SLC66A3: variants seen among roughly 807,000 people sequenced by gnomAD.
SLC66A3 encodes solute carrier family 66 member 3, also known as PQ loop repeat containing 3.
A neutral mutation model predicts 25.5 loss-of-function variants in SLC66A3; 23 were observed. The observed-to-expected ratio is 0.90, with a 90% confidence interval of 0.65 to 1.28. SLC66A3 has a LOEUF of 1.28. Among genes scored for constraint, SLC66A3 ranks in the 50% most tolerant of loss-of-function variants. SLC66A3 has a pLI of 0.00. For synonymous variants in SLC66A3, 108 were observed against 112.6 expected, an observed-to-expected ratio of 0.96 and a Z score of 0.26; for missense variants, 246 against 262.1, an observed-to-expected ratio of 0.94 and a Z score of 0.42.
intron 6 of SLC66A3, 31 bp from the exon 7 acceptor site, chr2:11,177,706 A>AGTT: frequency 7.0e-7 from 1 of 1,436,150 alleles, no homozygotes. Flanking sequence ...TTGTAAAGAC[A>AGTT]GTTTTTAATA....
intron 4 of SLC66A3, among the ~76,000 whole-genome samples, chr2:11,165,184 C>T (rs1553289312): frequency 6.6e-6 from 1 of 151,368 alleles, no homozygotes; most frequent in African/African-American, 2.4e-5. Flanking sequence ...CCCTCCTGGA[C>T]AGGGCGGCTG....
chr2:11,163,215 A>G (rs1485834451), intron 3 of SLC66A3, among the ~76,000 whole-genome samples: 2 of 152,186 alleles, frequency 1.3e-5, no homozygotes, highest in African/African-American at 4.8e-5. Flanking sequence ...AAATCTGGCA[A>G]CCCTACAAAT....
At chr2:11,166,093 C>T (rs1662333484) in intron 4 of SLC66A3, among the ~76,000 whole-genome samples, 1 of 152,112 alleles carries the variant, frequency 6.6e-6, no homozygotes, top group Non-Finnish European at 1.5e-5. Context: ...AGGCTGGTCT[C>T]GAACTCCTGA....
chr2:11,177,456 CAAAAAAA>C (rs371498449), intron 6 of SLC66A3, among the ~76,000 whole-genome samples: 1 of 107,102 alleles, frequency 9.3e-6, no homozygotes, highest in African/African-American at 3.5e-5. Context: ...AAGACTGTCT[CAAAAAAA>C]AAAAAAAAAA....
intron 1 of SLC66A3, 94 bp from the exon 2 acceptor site, chr2:11,160,372 A>T: frequency 9.5e-7 from 1 of 1,052,208 alleles, no homozygotes; most frequent in South Asian, 1.3e-5. Context: ...CACTGCAAGG[A>T]TTCGGCAAAC....
chr2:11,170,585 C>G (rs1662514859), intron 4 of SLC66A3, among the ~76,000 whole-genome samples: 1 of 144,504 alleles, frequency 6.9e-6, no homozygotes, highest in South Asian at 2.4e-4. Flanking sequence ...AACACAGTAT[C>G]TCAGTACTTT....
chr2:11,171,139 G>A (rs891201586), intron 4 of SLC66A3, among the ~76,000 whole-genome samples: 4 of 152,018 alleles, frequency 2.6e-5, no homozygotes, highest in South Asian at 2.1e-4. Context: ...CCAATGTGGC[G>A]AAACCCTGTC....
intron 1 of SLC66A3, among the ~76,000 whole-genome samples, chr2:11,155,994 G>C (rs1383957464): frequency 6.6e-6 from 1 of 152,246 alleles, no homozygotes; most frequent in Admixed American, 6.5e-5. Flanking sequence ...GACAAAACCT[G>C]CTGGCCCTGA....
At position 11,155,570 on chromosome 2, in the gene SLC66A3, G is replaced by A; in HGVS notation, c.24G>A (p.Leu8=). 1 of 1,512,716 alleles carries A rather than the reference G, an allele frequency of 6.6e-7. No individual in the cohort carries two copies. The highest frequency in any genetic ancestry group is 8.8e-7 in the Non-Finnish European group (1 of 1,139,916). 93.7% of individuals were successfully genotyped at this position (1,512,716 alleles called of 1,614,324 possible). Residue 8 remains leucine (L), a synonymous_variant, in exon 1 of 7, where the codon CTG becomes CTA. Transcript: ENST00000295083. MEAALLG[L]CNWSTLGVCA... The stretch of plus-strand genomic sequence containing the variant: ...CTATGGAGGCGGCGCTGCTGGGGCT[G>A]TGTAACTGGAGCACGCTGGGCGTGT...
In SLC66A3 at chr2:11,155,556, G is replaced by A. The variant is rs1421755453; in HGVS notation, c.10G>A (p.Ala4Thr). The change falls in exon 1 of 7, where the codon GCG becomes ACG. Residue 4 changes from alanine to threonine, a missense_variant. Ala to Thr is a moderately conservative substitution (Grantham distance 58, BLOSUM62 0). Around this residue, in one of 3 missense-constraint regions of SLC66A3, gnomAD observed 142 missense variants for 130.3 expected, o/e 1.09. Coordinates refer to ENST00000295083, the MANE Select transcript of SLC66A3 (RefSeq NM_152391.5). MEA[A>T]LLGLCNWSTL... The stretch of plus-strand genomic sequence containing the variant: ...CCGCGCCCGTGGCGCTATGGAGGCG[G>A]CGCTGCTGGGGCTGTGTAACTGGAG... The A allele has an allele frequency of 2.7e-6, 4 of 1,502,684 alleles. No homozygotes were observed. Among genetic ancestry groups the A allele is most frequent in the East Asian group, 5.6e-5 (2 of 35,686 alleles). 93.1% of individuals were successfully genotyped at this position (1,502,684 alleles called of 1,614,324 possible).
Position 11,155,607 on chromosome 2 carries a change from A to T in SLC66A3, c.61A>T (p.Lys21Ter). Residue 21 changes from lysine to a stop codon, truncating the protein, a stop_gained, in exon 1 of 7, where the codon AAG becomes TAG. Coordinates refer to ENST00000295083, the MANE Select transcript of SLC66A3 (RefSeq NM_152391.5). LOFTEE classifies it high-confidence loss of function. ...WSTLGVCAAL[K>*]LPQISAVLAA... ...CACGCTGGGCGTGTGCGCCGCGCTG[A>T]AGCTGCCGCAGATCTCCGCTGTGCT... 6.6e-7 allele frequency: 1 copy of T among 1,525,234 alleles called. No homozygotes were observed. Among genetic ancestry groups the T allele is most frequent in the Non-Finnish European group, 8.7e-7 (1 of 1,146,888 alleles). The allele number at this position is 1,525,234 out of a possible 1,614,324, so 94.5% of individuals were successfully genotyped here. A position where few individuals can be genotyped will look rare whatever the true frequency, so the allele number is the denominator to read the frequency against.
intron 1 of SLC66A3, among the ~76,000 whole-genome samples, chr2:11,156,169 C>G (rs1043504552): frequency 1.3e-5 from 2 of 152,146 alleles, no homozygotes; most frequent in African/African-American, 4.8e-5. Context: ...GGGAATCTTT[C>G]CTGGTTATTT....
rs140406533 is a variant in SLC66A3 at position 11,175,554 on chromosome 2, A to T, written c.517+545A>T. The stretch of plus-strand genomic sequence containing the variant: ...GTGACAAGCGGGTTTCAGGAGAGGA[A>T]GGATGCGAGACTGGCAGTGGCCCAA... On this transcript the variant is annotated intron_variant, in intron 6 of 6. Coordinates refer to ENST00000295083, the MANE Select transcript of SLC66A3 (RefSeq NM_152391.5). 3.9e-5 allele frequency among the ~76,000 whole-genome samples: 6 copies of T among 152,354 alleles called. No homozygotes were observed. The East Asian group carries it at 1.2e-3, about 29-fold the overall frequency.
At chr2:11,162,188 C>G (rs1662151363) in intron 3 of SLC66A3, among the ~76,000 whole-genome samples, 1 of 152,200 alleles carries the variant, frequency 6.6e-6, no homozygotes, top group Non-Finnish European at 1.5e-5. Flanking sequence ...AGGCGAGGCT[C>G]TGCAGCCTGT....
rs1278671534 is a variant in SLC66A3 at position 11,164,322 on chromosome 2, G to GAGATATATATATATATATAT, written c.354+62_354+63insGATATATATATATATATATA. On this transcript the variant is annotated intron_variant, in intron 4 of 6. Coordinates refer to ENST00000295083, the MANE Select transcript of SLC66A3 (RefSeq NM_152391.5). ...AAGCTACCTTGGAGAGAACTTGATA[G>GAGATATATATATATATATAT]ATATTTATATATATATATATATATT... The GAGATATATATATATATATAT allele has an allele frequency of 9.2e-6, 3 of 327,080 alleles. 1 individual carries two copies. The African/African-American group carries it at 1.0e-4, about 11-fold the overall frequency. 20.3% of individuals were successfully genotyped at this position (327,080 alleles called of 1,614,324 possible).
chr2:11,156,524 C>T (rs1661907054), intron 1 of SLC66A3, among the ~76,000 whole-genome samples: 1 of 152,156 alleles, frequency 6.6e-6, no homozygotes, highest in Admixed American at 6.5e-5. Context: ...CACAAGCCTT[C>T]CTGGTGGGCG....
At chr2:11,159,437 G>T (rs1451760109) in intron 1 of SLC66A3, among the ~76,000 whole-genome samples, 1 of 152,168 alleles carries the variant, frequency 6.6e-6, no homozygotes, top group Non-Finnish European at 1.5e-5. Context: ...TGGGCACGGT[G>T]GGGGCCCGCA....
chr2:11,155,729 G>T (rs940246929), intron 1 of SLC66A3, 40 bp downstream of exon 1: 2 of 1,328,580 alleles, frequency 1.5e-6, no homozygotes, highest in East Asian at 6.0e-5. Context: ...CTGCCCCCTC[G>T]CAGCTGCTGC....
At chr2:11,170,037 C>T (rs1662494476) in intron 4 of SLC66A3, among the ~76,000 whole-genome samples, 1 of 152,002 alleles carries the variant, frequency 6.6e-6, no homozygotes, top group Admixed American at 6.6e-5. Flanking sequence ...TGGGGTTTCA[C>T]CATGTTGACC....
Sources: gnomAD v4.1 joint callset for allele counts (sites outside exome capture counted in the v4.1 genomes callset) on GRCh38, gnomAD v4.1.1 for gene constraint, gnomAD v4.1.1 regional missense constraint, MANE v1.5 for transcripts, NCBI Gene and HGNC (gene_info 2026-07-23, HGNC 2026-07-21) for gene names.